Variants in TENM3 observed in about 807,000 individuals in gnomAD.
TENM3 encodes teneurin transmembrane protein 3.
TENM3 carries 63 observed loss-of-function variants against 255.1 expected under a neutral mutation model. That is an observed-to-expected ratio of 0.25 (90% CI 0.20 to 0.30). TENM3 has a LOEUF of 0.30. Ranked by LOEUF, TENM3 falls within the 10% of genes least tolerant of loss-of-function variation. The pLI, the probability that TENM3 is intolerant of heterozygous loss-of-function variation, is 1.00. For synonymous variants in TENM3, 1,306 were observed against 1,322.3 expected, an observed-to-expected ratio of 0.99 and a Z score of 0.27; for missense variants, 2,929 against 3,461.1, an observed-to-expected ratio of 0.85 and a Z score of 3.86.
intron 3 of TENM3, among the ~76,000 whole-genome samples, chr4:182,568,082 A>G (rs1743974920): frequency 1.3e-5 from 2 of 152,226 alleles, no homozygotes; most frequent in Admixed American, 6.5e-5. Flanking sequence ...AGGACTATAG[A>G]TGAAGTTATG....
chr4:182,556,416 T>C (rs1468723920), intron 3 of TENM3, among the ~76,000 whole-genome samples: 1 of 152,170 alleles, frequency 6.6e-6, no homozygotes. Context: ...GCATAGTTTA[T>C]TGCATTACAA....
the TENM3 span, among the ~76,000 whole-genome samples, chr4:182,082,231 G>C: frequency 2.0e-5 from 3 of 152,106 alleles, no homozygotes; most frequent in African/African-American, 7.2e-5. Context: ...GTTCGTAGGT[G>C]GCACCTTCTC....
chr4:182,206,610 T>A (rs1054785301), intron 1 of TENM3, among the ~76,000 whole-genome samples: 1 of 152,236 alleles, frequency 6.6e-6, no homozygotes, highest in Non-Finnish European at 1.5e-5. Context: ...ATTCATTCAA[T>A]AAATATTTAC....
intron 3 of TENM3, among the ~76,000 whole-genome samples, chr4:182,430,728 T>C (rs1771562347): frequency 6.7e-6 from 1 of 149,912 alleles, no homozygotes; most frequent in Non-Finnish European, 1.5e-5. Context: ...AAAGATAACT[T>C]TGGGCTGGGC....
At chr4:182,007,897 G>T in the TENM3 span, among the ~76,000 whole-genome samples, 1 of 152,156 alleles carries the variant, frequency 6.6e-6, no homozygotes, top group African/African-American at 2.4e-5. Context: ...CTTCTTTCAG[G>T]AGCTCTTGCA....
chr4:182,736,958 G>C lies in TENM3; in HGVS notation c.3118G>C (p.Val1040Leu), dbSNP rs754408181. Residue 1040 changes from valine (V) to leucine (L), a missense_variant, in exon 17 of 28, where the codon GTA becomes CTA. By Grantham distance (32) the Val-to-Leu change is conservative (BLOSUM62 1). Around this residue, in one of 6 missense-constraint regions of TENM3, gnomAD observed 1,608 missense variants for 1,884.4 expected, o/e 0.85. Coordinates refer to ENST00000511685, the MANE Select transcript of TENM3 (RefSeq NM_001080477.4). ...NLMKVHLMVAVVGRLFQKWFP... is the reference protein window; with the variant it reads ...NLMKVHLMVALVGRLFQKWFP... ...AATGAAGGTTCATCTTATGGTAGCT[G>C]TAGTAGGAAGACTCTTCCAAAAGTG... 1 of 1,613,864 alleles carries C rather than the reference G, an allele frequency of 6.2e-7. No homozygotes were observed. The highest frequency in any genetic ancestry group is 8.5e-7 in the Non-Finnish European group (1 of 1,179,822).
At chr4:182,067,849 G>A in the TENM3 span, among the ~76,000 whole-genome samples, 3 of 152,076 alleles carry the variant, frequency 2.0e-5, no homozygotes, top group African/African-American at 7.2e-5. Context: ...CCATTAACTG[G>A]CAGTCTGATT....
At chr4:182,409,992 A>G (rs534148343) in intron 3 of TENM3, among the ~76,000 whole-genome samples, 28 of 151,964 alleles carry the variant, frequency 1.8e-4, no homozygotes, top group African/African-American at 6.3e-4. Flanking sequence ...TGCCTGGCTA[A>G]TTTTTTGTAT....
the TENM3 span, among the ~76,000 whole-genome samples, chr4:181,594,147 A>G: frequency 1.3e-5 from 2 of 152,204 alleles, no homozygotes; most frequent in Non-Finnish European, 2.9e-5. Context: ...AAAACATGTA[A>G]CGATTTAAAA....
the TENM3 span, among the ~76,000 whole-genome samples, chr4:182,097,112 C>A: frequency 2.0e-5 from 3 of 152,082 alleles, no homozygotes; most frequent in African/African-American, 7.2e-5. Context: ...TTCGGTGTGG[C>A]TGACAAGGTT....
chr4:181,650,965 T>C, the TENM3 span, among the ~76,000 whole-genome samples: 1 of 152,246 alleles, frequency 6.6e-6, no homozygotes, highest in African/African-American at 2.4e-5. Context: ...AGTGTTCAGC[T>C]ATTTCAGCTC....
At chr4:182,371,754 T>G (rs1410454373) in intron 3 of TENM3, among the ~76,000 whole-genome samples, 1 of 152,194 alleles carries the variant, frequency 6.6e-6, no homozygotes, top group East Asian at 1.9e-4. Flanking sequence ...CCCCTCTCAT[T>G]TCATCATTTT....
chr4:182,242,938 A>G (rs530917621), upstream of TENM3, among the ~76,000 whole-genome samples: 34 of 152,312 alleles, frequency 2.2e-4, no homozygotes, highest in African/African-American at 7.7e-4. Context: ...AGGCTAAGAG[A>G]GAGGTAAGCA....
At chr4:182,392,543 T>C (rs1185119954) in intron 3 of TENM3, among the ~76,000 whole-genome samples, 1 of 151,992 alleles carries the variant, frequency 6.6e-6, no homozygotes, top group Non-Finnish European at 1.5e-5. Context: ...AGGAGAGAGA[T>C]GGGAATTAGA....
At chr4:182,397,730 T>C (rs935209059) in intron 3 of TENM3, among the ~76,000 whole-genome samples, 4 of 152,186 alleles carry the variant, frequency 2.6e-5, no homozygotes, top group Non-Finnish European at 1.5e-5. Flanking sequence ...CGGAATCACC[T>C]GGAGGGCGGC....
At chr4:182,054,049 A>C in the TENM3 span, among the ~76,000 whole-genome samples, 1 of 152,180 alleles carries the variant, frequency 6.6e-6, no homozygotes, top group Admixed American at 6.5e-5. Context: ...TTACCTAAAG[A>C]ATCAAGCATA....
intron 26 of TENM3, among the ~76,000 whole-genome samples, chr4:182,794,639 C>T (rs1016364427): frequency 2.0e-5 from 3 of 152,226 alleles, no homozygotes; most frequent in African/African-American, 4.8e-5. Flanking sequence ...AATTTTTCCA[C>T]GAATGTGGGA....
chr4:181,481,508 G>A, the TENM3 span, among the ~76,000 whole-genome samples: 5 of 152,144 alleles, frequency 3.3e-5, no homozygotes, highest in African/African-American at 1.2e-4. Flanking sequence ...ACGGCCATTT[G>A]CTGTAACCCA....
chr4:181,874,013 G>A, the TENM3 span, among the ~76,000 whole-genome samples: 1 of 152,130 alleles, frequency 6.6e-6, no homozygotes, highest in Non-Finnish European at 1.5e-5. Context: ...TCAATATCCT[G>A]ACCTGGTGAT....
Sources: allele counts gnomAD v4.1 joint callset (sites outside exome capture counted in the v4.1 genomes callset), GRCh38; gene constraint gnomAD v4.1.1; regional missense constraint gnomAD v4.1.1; transcripts MANE v1.5; gene names NCBI Gene and HGNC (gene_info 2026-07-23, HGNC 2026-07-21).